The following IRAK1BP1 variants were observed in gnomAD, a reference collection of about 807,000 sequenced individuals.
The protein encoded by IRAK1BP1 is interleukin-1 receptor-associated kinase 1-binding protein 1.
Under a neutral mutation model 28.0 loss-of-function variants are expected in IRAK1BP1, and 24 were observed. The ratio of observed to expected loss-of-function variants is 0.86; its 90% CI spans 0.62 to 1.20. The LOEUF is 1.20. IRAK1BP1 is among the 50% of genes most tolerant of loss of function. The pLI is 0.00. For missense variants in IRAK1BP1, 336 were observed against 316.7 expected (o/e 1.06, Z -0.46); for synonymous variants, 131 against 116.3 (o/e 1.13, Z -0.81).
downstream of IRAK1BP1, among the ~76,000 whole-genome samples, chr6:78,950,917 G>C (rs1172078522): frequency 2.0e-5 from 3 of 151,990 alleles, no homozygotes; most frequent in African/African-American, 7.2e-5. Context: ...CTAGGTTCTT[G>C]AGGAGTGAGC....
intron 1 of IRAK1BP1, 41 bp from the exon 2 acceptor site, chr6:78,885,337 A>G (rs1771378931): frequency 3.5e-6 from 4 of 1,130,880 alleles, no homozygotes; most frequent in East Asian, 4.8e-5. Context: ...TAATTGCATC[A>G]AATATTTAGT....
chr6:78,874,776 GT>G (rs1320635214), intron 1 of IRAK1BP1, among the ~76,000 whole-genome samples: 1 of 152,030 alleles, frequency 6.6e-6, no homozygotes, highest in African/African-American at 2.4e-5. Flanking sequence ...TAAATGCTTT[GT>G]TTTTCTGTAA....
chr6:78,868,763 C>T (rs1328834779), intron 1 of IRAK1BP1, among the ~76,000 whole-genome samples: 1 of 152,166 alleles, frequency 6.6e-6, no homozygotes, highest in Non-Finnish European at 1.5e-5. Flanking sequence ...ATGTAAGTTG[C>T]TTCCAATTCT....
At chr6:78,914,412 G>C (rs1213226997) in intron 4 of IRAK1BP1, among the ~76,000 whole-genome samples, 1 of 152,150 alleles carries the variant, frequency 6.6e-6, no homozygotes, top group East Asian at 1.9e-4. Flanking sequence ...ATGTCTTGCT[G>C]TTGCATACCA....
At chr6:78,935,801 C>T in intron 4 of IRAK1BP1, 1 of 954,104 alleles carries the variant, frequency 1.0e-6, no homozygotes, top group Admixed American at 6.2e-5. Context: ...AGATTATGTA[C>T]TAAGTGCTTT....
chr6:78,940,319 T>C (rs1582069589), intron 4 of IRAK1BP1: 1 of 151,920 alleles, frequency 6.6e-6, no homozygotes, highest in South Asian at 2.1e-4. Context: ...AAATGCTCTA[T>C]CACTAGGAAT....
At chr6:78,955,549 A>G in the IRAK1BP1 span, 1 of 630,126 alleles carries the variant, frequency 1.6e-6, no homozygotes, top group Non-Finnish European at 2.8e-6. Context: ...CCTGAAAACT[A>G]CAATATGTAA....
chr6:78,903,866 T>G (rs1772188210), downstream of IRAK1BP1, among the ~76,000 whole-genome samples: 1 of 152,220 alleles, frequency 6.6e-6, no homozygotes, highest in South Asian at 2.1e-4. Context: ...ACATATAGTT[T>G]CAGTGCTTCA....
the IRAK1BP1 span, among the ~76,000 whole-genome samples, chr6:78,960,777 C>T: frequency 1.3e-5 from 2 of 151,978 alleles, no homozygotes; most frequent in Admixed American, 6.6e-5. Flanking sequence ...CTAGTGGGTA[C>T]AGGCACAGGA....
chr6:78,896,910 CT>C (rs577230521), intron 2 of IRAK1BP1, among the ~76,000 whole-genome samples: 156 of 151,798 alleles, frequency 1.0e-3, no homozygotes, highest in African/African-American at 3.7e-3. Flanking sequence ...GCTACTCCAG[CT>C]TATTCTGTAG....
At chr6:78,929,103 A>T (rs928041371) in intron 4 of IRAK1BP1, among the ~76,000 whole-genome samples, 1 of 152,056 alleles carries the variant, frequency 6.6e-6, no homozygotes, top group African/African-American at 2.4e-5. Context: ...TTCTTCTTTA[A>T]ATGTTTGGTA....
At chr6:78,975,873 G>A in the IRAK1BP1 span, among the ~76,000 whole-genome samples, 1 of 149,484 alleles carries the variant, frequency 6.7e-6, no homozygotes, top group East Asian at 2.0e-4. Flanking sequence ...GGAAATAAAA[G>A]AGGATACAAA....
chr6:78,961,767 A>G, the IRAK1BP1 span: 1 of 1,610,886 alleles, frequency 6.2e-7, no homozygotes, highest in Non-Finnish European at 8.5e-7. Context: ...AATACATGGG[A>G]TAGGCTTGCA....
At position 78,867,675 on chromosome 6, in the gene IRAK1BP1, G is replaced by A. The variant is rs1333408689; in HGVS notation, c.99G>A (p.Thr33=). 1 of 1,614,240 alleles carries A rather than the reference G, an allele frequency of 6.2e-7. No homozygotes were observed. The highest frequency in any genetic ancestry group is 8.5e-7 in the Non-Finnish European group (1 of 1,180,048). The change falls in exon 1 of 4, where the codon ACG becomes ACA. Residue 33 remains threonine, a synonymous_variant. Coordinates refer to ENST00000369940, the MANE Select transcript of IRAK1BP1 (RefSeq NM_001010844.4). Reference sequence around the variant, plus strand: ...ACAACCTGGCCTCAGGGAGAGAGACGCTACCGGGCTTACGCCACCCCCTCT... The same window carrying A: ...ACAACCTGGCCTCAGGGAGAGAGACACTACCGGGCTTACGCCACCCCCTCT... ...RENNLASGRE[T]LPGLRHPLSS... is the part of the protein sequence containing the mutation.
the IRAK1BP1 span, chr6:78,955,907 A>C: frequency 7.2e-6 from 2 of 279,608 alleles, no homozygotes; most frequent in Non-Finnish European, 6.6e-6. Context: ...ACCAAACCCA[A>C]GTCTCATCTC....
the IRAK1BP1 span, chr6:78,954,730 A>T: frequency 1.2e-6 from 1 of 826,226 alleles, no homozygotes; most frequent in East Asian, 3.0e-5. Flanking sequence ...CTATAATCAT[A>T]AAAAGTAACT....
the IRAK1BP1 span, chr6:78,969,961 A>T: frequency 6.4e-7 from 1 of 1,573,090 alleles, no homozygotes; most frequent in South Asian, 1.1e-5. Context: ...CATACCTAAA[A>T]ATACCTAAAA....
chr6:78,883,845 GT>G (rs1373494874), intron 1 of IRAK1BP1, among the ~76,000 whole-genome samples: 1 of 152,040 alleles, frequency 6.6e-6, no homozygotes, highest in Non-Finnish European at 1.5e-5. Context: ...ATCATACCTT[GT>G]TCAGTGTGTA....
At chr6:78,945,101 T>C (rs1468595152) in intron 4 of IRAK1BP1, among the ~76,000 whole-genome samples, 1 of 152,054 alleles carries the variant, frequency 6.6e-6, no homozygotes, top group African/African-American at 2.4e-5. Context: ...TTTTTTCTTT[T>C]GAGACAGGGT....
Sources: allele counts gnomAD v4.1 joint callset (sites outside exome capture counted in the v4.1 genomes callset), GRCh38; gene constraint gnomAD v4.1.1; transcripts MANE v1.5; gene names NCBI Gene and HGNC (gene_info 2026-07-23, HGNC 2026-07-21).